Variants in GADL1 observed in about 807,000 individuals in gnomAD.
The protein encoded by GADL1 is GAD like acidic amino acid decarboxylase 1.
In GADL1, 71 loss-of-function variants were observed where a neutral mutation model predicts 69.5. The observed-to-expected ratio is 1.02, with a 90% CI of 0.84 to 1.25. GADL1 has a LOEUF of 1.25. Ranked by LOEUF, GADL1 falls within the 50% of genes most tolerant of loss-of-function variation. GADL1 has a pLI of 0.00. For synonymous variants in GADL1, 254 were observed against 214.4 expected (o/e 1.18, Z -1.62); for missense variants, 737 against 631.8 (o/e 1.17, Z -1.79).
At chr3:30,755,013 A>G (rs1488833837) in intron 14 of GADL1, among the ~76,000 whole-genome samples, 3 of 152,208 alleles carry the variant, frequency 2.0e-5, no homozygotes, top group Non-Finnish European at 4.4e-5. Flanking sequence ...CATCTCTGAA[A>G]AGATTTCTGG....
rs76344549 is a variant in GADL1, at chr3:30,819,306, G to A, written c.1050+14547C>T. ...GGGAAAGAGGGTGTGAACTAAAAATGGTTTTTTGTATAAGATGTCCTTCCA... is the reference window on the plus strand; with the variant it reads ...GGGAAAGAGGGTGTGAACTAAAAATAGTTTTTTGTATAAGATGTCCTTCCA... On this transcript the variant is annotated intron_variant, in intron 11 of 14. Coordinates refer to ENST00000282538, the MANE Select transcript of GADL1 (RefSeq NM_207359.3). Among the ~76,000 whole-genome samples, 575 of 151,998 alleles carry A rather than the reference G, an allele frequency of 3.8e-3. 8 individuals carry two copies. In the East Asian group the frequency reaches 0.066, roughly 18 times the overall value.
chr3:30,766,918 TTTG>T (rs1696295059), intron 14 of GADL1, among the ~76,000 whole-genome samples: 1 of 152,192 alleles, frequency 6.6e-6, no homozygotes, highest in Non-Finnish European at 1.5e-5. Flanking sequence ...GTTAAGGTAT[TTTG>T]TTAAGCAAAC....
rs748979160 is a variant in GADL1 at position 30,850,818 on chromosome 3, TA to T, written c.535+16del. 2.8e-6 allele frequency: 4 copies of T among 1,409,848 alleles called. No individual in the cohort carries two copies. The highest frequency in any genetic ancestry group is 2.0e-6 in the Non-Finnish European group (2 of 1,018,738). 87.3% of individuals were successfully genotyped at this position (1,409,848 alleles called of 1,614,324 possible). Reference sequence around the variant, plus strand: ...GGTTGTATTGGAAGGTTGATATCAATAACTAATTGTACTCACCTGGGTTAAA... The same window carrying T: ...GGTTGTATTGGAAGGTTGATATCAATACTAATTGTACTCACCTGGGTTAAA... On this transcript the variant is annotated intron_variant, in intron 5 of 14. Coordinates refer to ENST00000282538, the MANE Select transcript of GADL1 (RefSeq NM_207359.3).
chr3:30,866,562 C>T (rs1241354836), intron 1 of GADL1, among the ~76,000 whole-genome samples: 1 of 152,016 alleles, frequency 6.6e-6, no homozygotes, highest in African/African-American at 2.4e-5. Flanking sequence ...GATCAAATGA[C>T]CAGGGTAATA....
intron 14 of GADL1, among the ~76,000 whole-genome samples, chr3:30,728,933 TTATGTACAGTTC>T (rs1170359350): frequency 6.7e-6 from 1 of 148,960 alleles, no homozygotes; most frequent in Non-Finnish European, 1.5e-5. Context: ...AATATGGATA[TTATGTACAGTTC>T]TATTTTGAAG....
chr3:30,871,696 TCA>T (rs1698484305), intron 1 of GADL1, among the ~76,000 whole-genome samples: 1 of 151,726 alleles, frequency 6.6e-6, no homozygotes, highest in Non-Finnish European at 1.5e-5. Context: ...TGTTAGAATC[TCA>T]GATACCACTC....
intron 11 of GADL1, among the ~76,000 whole-genome samples, chr3:30,827,711 T>C (rs892733893): frequency 2.6e-5 from 4 of 151,884 alleles, no homozygotes; most frequent in African/African-American, 9.7e-5. Flanking sequence ...CCGTTGCTTA[T>C]TATAATTTTA....
intron 2 of GADL1, 81 bp from the exon 3 acceptor site, chr3:30,857,222 T>C (rs577591777): frequency 8.3e-7 from 1 of 1,203,790 alleles, no homozygotes; most frequent in South Asian, 1.4e-5. Flanking sequence ...GACTCTACCA[T>C]TACAAAGCTT....
chr3:30,762,824 C>CT (rs1216438918), intron 14 of GADL1, among the ~76,000 whole-genome samples: 4 of 147,064 alleles, frequency 2.7e-5, no homozygotes, highest in African/African-American at 5.1e-5. Flanking sequence ...CCACAGATAA[C>CT]TGAAAACATG....
At chr3:30,777,003 C>A (rs1334427770) in intron 14 of GADL1, among the ~76,000 whole-genome samples, 1 of 152,214 alleles carries the variant, frequency 6.6e-6, no homozygotes, top group Non-Finnish European at 1.5e-5. Flanking sequence ...TACCCTTTCT[C>A]TCTACTTTCA....
chr3:30,880,434 G>A (rs1044907538), intron 1 of GADL1, among the ~76,000 whole-genome samples: 9 of 151,804 alleles, frequency 5.9e-5, no homozygotes, highest in Non-Finnish European at 1.3e-4. Flanking sequence ...CTGTTCTCAT[G>A]ATAGTGAATA....
At chr3:30,741,667 T>G (rs533616249) in intron 14 of GADL1, among the ~76,000 whole-genome samples, 1 of 152,364 alleles carries the variant, frequency 6.6e-6, no homozygotes, top group East Asian at 1.9e-4. Context: ...TTAATTATTA[T>G]GATTAGAATT....
At chr3:30,861,555 T>C in intron 2 of GADL1, 38 bp downstream of exon 2, 2 of 1,462,240 alleles carry the variant, frequency 1.4e-6, no homozygotes, top group East Asian at 4.9e-5. Context: ...CATCTATCTT[T>C]CCCATTTCTG....
At chr3:30,752,587 GTT>G (rs1296061475) in intron 14 of GADL1, among the ~76,000 whole-genome samples, 10 of 152,260 alleles carry the variant, frequency 6.6e-5, no homozygotes, top group Admixed American at 1.3e-4. Context: ...TTATGCGAGT[GTT>G]TTTCTCTGTC....
intron 1 of GADL1, among the ~76,000 whole-genome samples, chr3:30,884,863 A>G (rs1174829010): frequency 6.6e-6 from 1 of 152,022 alleles, no homozygotes; most frequent in African/African-American, 2.4e-5. Context: ...TATATTCTCT[A>G]TCAACCCTCA....
intron 12 of GADL1, among the ~76,000 whole-genome samples, chr3:30,788,084 C>T (rs1222440283): frequency 2.0e-5 from 3 of 152,154 alleles, no homozygotes; most frequent in Non-Finnish European, 2.9e-5. Flanking sequence ...TCTACATATG[C>T]CATTCTCTGA....
chr3:30,838,527 T>G (rs1212259088), intron 9 of GADL1, among the ~76,000 whole-genome samples: 4 of 152,156 alleles, frequency 2.6e-5, no homozygotes, highest in Non-Finnish European at 5.9e-5. Flanking sequence ...TGTAGCTTTT[T>G]TGCATTTTCC....
At chr3:30,733,632 CCTT>C (rs1289123398) in intron 14 of GADL1, among the ~76,000 whole-genome samples, 1 of 150,736 alleles carries the variant, frequency 6.6e-6, no homozygotes, top group Non-Finnish European at 1.5e-5. Context: ...TTCCTTCCTT[CCTT>C]CCTCCTTCCC....
At chr3:30,840,267 T>C (rs1339705639) in intron 8 of GADL1, among the ~76,000 whole-genome samples, 1 of 152,132 alleles carries the variant, frequency 6.6e-6, no homozygotes, top group South Asian at 2.1e-4. Flanking sequence ...GACAGAAAGA[T>C]GTTATTTCTC....
Sources: gnomAD v4.1 joint callset for allele counts (sites outside exome capture counted in the v4.1 genomes callset) on GRCh38, gnomAD v4.1.1 for gene constraint, MANE v1.5 for transcripts, NCBI Gene and HGNC (gene_info 2026-07-23, HGNC 2026-07-21) for gene names.